The following ITGA10 variants were observed in gnomAD, a reference collection of about 807,000 sequenced individuals.
ITGA10 encodes integrin subunit alpha 10.
Under a neutral mutation model 145.2 loss-of-function variants are expected in ITGA10, and 105 were observed. The ratio of observed to expected loss-of-function variants is 0.72; its 90% CI spans 0.62 to 0.85. ITGA10 has a LOEUF of 0.85. Among genes scored for constraint, ITGA10 ranks in the 40% least tolerant of loss-of-function variants. The pLI, the probability that ITGA10 is intolerant of heterozygous loss-of-function variation, is 0.00. For synonymous variants in ITGA10, 506 were observed against 557.8 expected (o/e 0.91, Z 1.31); for missense variants, 1,317 against 1,444.5 (o/e 0.91, Z 1.43).
intron 20 of ITGA10, 81 bp from the exon 21 acceptor site, chr1:145,897,420 T>G: frequency 1.9e-6 from 3 of 1,595,476 alleles, no homozygotes; most frequent in Non-Finnish European, 2.6e-6. Context: ...ACACTGAGCC[T>G]TTCTCTAGAG....
chr1:145,907,820 A>G (rs1489307056), intron 1 of ITGA10, among the ~76,000 whole-genome samples: 1 of 114,810 alleles, frequency 8.7e-6, no homozygotes, highest in Non-Finnish European at 1.6e-5. Context: ...CCCAGGCTGG[A>G]GTGCAGTGGC....
At chr1:145,895,153 G>T in intron 27 of ITGA10, 127 bp downstream of exon 27, 1 of 627,100 alleles carries the variant, frequency 1.6e-6, no homozygotes, top group Non-Finnish European at 2.9e-6. Flanking sequence ...GAAATAACTT[G>T]CTCATGGTCA....
In ITGA10 at chr1:145,895,635, C is replaced by T. The variant is rs782443168; in HGVS notation, c.3110G>A (p.Arg1037Lys). Residue 1037 changes from arginine (R) to lysine (K), a missense_variant, in exon 26 of 30, where the codon AGA becomes AAA. By Grantham distance (26) the Arg-to-Lys change is conservative (BLOSUM62 2). Transcript: ENST00000369304. ...VHPEELQHTN[R>K]LNGSNTQCQV... ...ACACCCCTTTGTGACTCATACCAGT[C>T]TGTTTGTGTGTTGAAGCTCCTCTGG... is the stretch of plus-strand genomic sequence containing the variant. 2.5e-6 allele frequency: 4 copies of T among 1,614,126 alleles called. No homozygotes were observed. In the South Asian group the frequency reaches 4.4e-5, roughly 18 times the overall value.
intron 1 of ITGA10, 198 bp from the exon 2 acceptor site, chr1:145,907,663 C>T: frequency 1.1e-6 from 1 of 938,700 alleles, no homozygotes; most frequent in Non-Finnish European, 1.3e-6. Flanking sequence ...TGTCCAGATG[C>T]CTAAACTGTG....
Position 145,900,207 on chromosome 1 carries a change from T to C in ITGA10, c.1792-20A>G. The C allele has an allele frequency of 6.2e-7, 1 of 1,604,950 alleles. No homozygotes were observed. The highest frequency in any genetic ancestry group is 8.5e-7 in the Non-Finnish European group (1 of 1,175,512). On this transcript the variant is annotated intron_variant, in intron 14 of 29. Transcript: ENST00000369304. ...AATCCTCTGAGAGGAAGAGAGAGAATACTGAGGCAGGGACCCATACACCTA... is the reference window on the plus strand; with the variant it reads ...AATCCTCTGAGAGGAAGAGAGAGAACACTGAGGCAGGGACCCATACACCTA...
rs1476273319 is a variant in ITGA10 at position 145,896,367 on chromosome 1, A to G, written c.2835-15T>C. The G allele has an allele frequency of 1.3e-6, 2 of 1,591,596 alleles. No individual in the cohort carries two copies. The highest frequency in any genetic ancestry group is 1.1e-5 in the South Asian group (1 of 90,646). ...GGGTAGACTCACTGTGTGAACACCA[A>G]GTCAGGAAGTACATGGTCACAGCCA... On this transcript the variant is annotated splice_polypyrimidine_tract_variant and intron_variant, in intron 23 of 29. Coordinates refer to ENST00000369304, the MANE Select transcript of ITGA10 (RefSeq NM_003637.5).
At position 145,900,088 on chromosome 1, in the gene ITGA10, C is replaced by G; in HGVS notation, c.1891G>C (p.Val631Leu). Residue 631 changes from valine (V) to leucine (L), a missense_variant, in exon 15 of 30, where the codon GTG (valine) becomes CTG (leucine). Coordinates refer to ENST00000369304, the MANE Select transcript of ITGA10 (RefSeq NM_003637.5). ...LDGDDLVDVA[V>L]GAQGAAILLS... ...AGGATGGCTGCCCCCTGGGCACCCA[C>G]AGCCACATCGACCAGATCATCTCCA... 1 of 1,614,036 alleles carries G rather than the reference C, an allele frequency of 6.2e-7. No homozygotes were observed. The highest frequency in any genetic ancestry group is 2.2e-5 in the East Asian group (1 of 44,866).
chr1:145,901,096 C>T lies in ITGA10; in HGVS notation c.1587+39G>A, dbSNP rs1656252721. The T allele has an allele frequency of 6.2e-7, 1 of 1,613,316 alleles. No homozygotes were observed. Among genetic ancestry groups the T allele is most frequent in the African/African-American group, 1.3e-5 (1 of 74,990 alleles). The stretch of plus-strand genomic sequence containing the variant: ...CCCTCCTTTCCTCCCTCCACCCCCA[C>T]AATGCAAGTCCAGGGCAGGGGGTCC... On this transcript the variant is annotated intron_variant, in intron 13 of 29. Transcript: ENST00000369304. The surrounding 1 kb of genome is among the most constrained non-coding windows in gnomAD (Gnocchi z 4.3).
In ITGA10 at chr1:145,907,358, G is replaced by C. The variant is rs1553751671; in HGVS notation, c.160C>G (p.Arg54Gly). Reference sequence around the variant, plus strand: ...GCACTCCGGTTTCTTCCTCACCATCGCTGTCCACCCCCAACATGTTGTAAG... The same window carrying C: ...GCACTCCGGTTTCTTCCTCACCATCCCTGTCCACCCCCAACATGTTGTAAG... ...SVLQHVGGGQRWMLVGAPWDG... is the reference protein window; with the variant it reads ...SVLQHVGGGQGWMLVGAPWDG... The change falls in exon 2 of 30, where the codon CGA becomes GGA. Residue 54 changes from arginine (R) to glycine (G), a missense_variant. Transcript: ENST00000369304. 1 of 1,614,072 alleles carries C rather than the reference G, an allele frequency of 6.2e-7. No homozygotes were observed. Among genetic ancestry groups the C allele is most frequent in the Admixed American group, 1.7e-5 (1 of 60,012 alleles).
intron 26 of ITGA10, 71 bp downstream of exon 26, chr1:145,895,560 C>A: frequency 6.6e-7 from 1 of 1,504,644 alleles, no homozygotes; most frequent in East Asian, 2.3e-5. Flanking sequence ...CACTCCAGTT[C>A]CTACCCTCTT....
intron 19 of ITGA10, 76 bp from the exon 20 acceptor site, chr1:145,897,729 G>A (rs1655637322): frequency 6.2e-7 from 1 of 1,611,494 alleles, no homozygotes; most frequent in African/African-American, 1.3e-5. Context: ...GTTATCATGG[G>A]TAAGAAACAA....
chr1:145,906,355 C>A, intron 5 of ITGA10, 39 bp downstream of exon 5: 1 of 1,498,868 alleles, frequency 6.7e-7, no homozygotes. Flanking sequence ...CCCAGTATCT[C>A]CTTCTGGGAA....
In ITGA10 at chr1:145,900,833, A is replaced by T. The variant is rs1553747815; in HGVS notation, c.1748T>A (p.Leu583Gln). ...GACTCCACTCTGGGTTCCATGGTAC[A>T]GGTACAGTGCTCCCTGGTGCCCATC... ...LEDGHQGALY[L>Q]YHGTQSGVRP... Residue 583 changes from leucine (L) to glutamine (Q), a missense_variant, in exon 14 of 30, where the codon CTG (leucine) becomes CAG (glutamine). Physicochemically the swap from Leu to Gln is moderately radical, Grantham distance 113. Transcript: ENST00000369304. 6.2e-7 allele frequency: 1 copy of T among 1,614,130 alleles called. No homozygotes were observed. Among genetic ancestry groups the T allele is most frequent in the Non-Finnish European group, 8.5e-7 (1 of 1,180,026 alleles).
At chr1:145,904,284 G>C in intron 6 of ITGA10, 84 bp from the exon 7 acceptor site, 3 of 1,307,210 alleles carry the variant, frequency 2.3e-6, no homozygotes, top group Non-Finnish European at 3.3e-6. Context: ...AGAGAGGAGA[G>C]ATGAACACCT....
chr1:145,907,261 A>C (rs1657283528), intron 2 of ITGA10, 93 bp downstream of exon 2: 3 of 1,603,446 alleles, frequency 1.9e-6, no homozygotes, highest in Non-Finnish European at 2.6e-6. Flanking sequence ...CACTTTCAAA[A>C]GACCAGATTA....
Position 145,901,058 on chromosome 1 carries a change from A to G in ITGA10, c.1588-65T>C, listed in dbSNP as rs1403824962. The G allele has an allele frequency of 4.3e-6, 7 of 1,612,760 alleles. No individual in the cohort carries two copies. The African/African-American group carries it at 8.0e-5, about 18-fold the overall frequency. ...ACCCAACCTCTCAGCAAACCCTCAA[A>G]TATGTGCACCTTCCCTCCTTTCCTC... On this transcript the variant is annotated intron_variant, in intron 13 of 29. Transcript: ENST00000369304. The surrounding 1 kb of genome is among the most constrained non-coding windows in gnomAD (Gnocchi z 4.3).
chr1:145,897,915 AG>A lies in ITGA10; in HGVS notation c.2347-16del. ...GAGAAGGGGACCTGGAAGAAAGGGA[AG>A]GGGCTAAGGGTTGAGAGGAAAGCAA... On this transcript the variant is annotated splice_polypyrimidine_tract_variant and intron_variant, in intron 18 of 29. Transcript: ENST00000369304. 2 of 1,602,418 alleles carry A rather than the reference AG, an allele frequency of 1.2e-6. No individual in the cohort carries two copies. The highest frequency in any genetic ancestry group is 2.2e-5 in the South Asian group (2 of 90,862).
At position 145,903,654 on chromosome 1, in the gene ITGA10, T is replaced by C. The variant is rs587716692; in HGVS notation, c.758+398A>G. Among the ~76,000 whole-genome samples the C allele has an allele frequency of 9.9e-5, 15 of 151,490 alleles. No individual in the cohort carries two copies. The East Asian group carries it at 1.2e-3, about 12-fold the overall frequency. On this transcript the variant is annotated intron_variant, in intron 7 of 29. Transcript: ENST00000369304. ...TGCCCTAACTCTTCTTCTTCTTCTT[T>C]TTTTTTTTTTAAGGGAAAGATTTTC...
At chr1:145,907,960 C>T (rs1416125410) in intron 1 of ITGA10, among the ~76,000 whole-genome samples, 2 of 151,456 alleles carry the variant, frequency 1.3e-5, no homozygotes, top group Admixed American at 6.6e-5. Flanking sequence ...TTAGTAGAGA[C>T]GGAGTTTCAC....
Sources: gnomAD v4.1 joint callset for allele counts (sites outside exome capture counted in the v4.1 genomes callset) on GRCh38, gnomAD v4.1.1 for gene constraint, Gnocchi (gnomAD v3.1) non-coding constraint, MANE v1.5 for transcripts, NCBI Gene and HGNC (gene_info 2026-07-23, HGNC 2026-07-21) for gene names.